Variants in TNR observed in about 807,000 individuals in gnomAD.
TNR encodes the protein tenascin-R.
A neutral mutation model predicts 150.4 loss-of-function variants in TNR; 45 were observed. That is an observed-to-expected ratio of 0.30 (90% confidence interval 0.24 to 0.38). The LOEUF is 0.38. TNR is among the 10% of genes least tolerant of loss of function. TNR has a pLI of 1.00. For missense variants in TNR, 1,544 were observed against 1,759.1 expected (o/e 0.88, Z 2.19); for synonymous variants, 687 against 678.4 (o/e 1.01, Z -0.20).
At chr1:175,594,594 C>T (rs1158934795) in intron 1 of TNR, among the ~76,000 whole-genome samples, 6 of 152,110 alleles carry the variant, frequency 3.9e-5, no homozygotes, top group Admixed American at 3.9e-4. Flanking sequence ...GTGGTTCATG[C>T]CTGTAATCGC....
At chr1:175,333,988 G>C (rs531804616) in intron 20 of TNR, among the ~76,000 whole-genome samples, 1 of 152,340 alleles carries the variant, frequency 6.6e-6, no homozygotes, top group East Asian at 1.9e-4. Context: ...GGAAGAGCAG[G>C]TGAGGTACTT....
chr1:175,397,200 C>T (rs116619676), intron 4 of TNR, among the ~76,000 whole-genome samples: 281 of 152,272 alleles, frequency 1.8e-3, no homozygotes, highest in Non-Finnish European at 2.9e-3. Flanking sequence ...TATTTGACTA[C>T]ATTTTACTAT....
intron 2 of TNR, among the ~76,000 whole-genome samples, chr1:175,439,849 G>A (rs1343276604): frequency 6.6e-6 from 1 of 152,148 alleles, no homozygotes; most frequent in African/African-American, 2.4e-5. Context: ...CAGTTAGAAT[G>A]GTGATCATTA....
chr1:175,445,163 G>A (rs1190685538), intron 2 of TNR, among the ~76,000 whole-genome samples: 1 of 152,106 alleles, frequency 6.6e-6, no homozygotes, highest in Non-Finnish European at 1.5e-5. Flanking sequence ...CCAGCTACTC[G>A]GGAGGCAGAG....
chr1:175,424,834 C>G (rs915024209), intron 2 of TNR, among the ~76,000 whole-genome samples: 1 of 152,066 alleles, frequency 6.6e-6, no homozygotes, highest in Admixed American at 6.6e-5. Context: ...GAGTGGAGCA[C>G]AGTAACCACT....
At chr1:175,687,194 C>A (rs1666225457) in intron 1 of TNR, among the ~76,000 whole-genome samples, 1 of 152,132 alleles carries the variant, frequency 6.6e-6, no homozygotes, top group Non-Finnish European at 1.5e-5. Flanking sequence ...CCACTGGTGC[C>A]TGTCCTGCCT....
chr1:175,429,435 T>G (rs779057452), intron 2 of TNR, among the ~76,000 whole-genome samples: 5 of 152,192 alleles, frequency 3.3e-5, no homozygotes, highest in Non-Finnish European at 7.4e-5. Context: ...GTTGCTCTCT[T>G]GTTTCAGTTT....
At chr1:175,562,905 C>T (rs941987006) in intron 1 of TNR, among the ~76,000 whole-genome samples, 16 of 152,226 alleles carry the variant, frequency 1.1e-4, no homozygotes, top group Non-Finnish European at 1.5e-4. Context: ...AAAACAAAAA[C>T]AGCCACTCAG....
intron 4 of TNR, among the ~76,000 whole-genome samples, chr1:175,398,423 A>G (rs1328521972): frequency 6.6e-6 from 1 of 152,258 alleles, no homozygotes; most frequent in African/African-American, 2.4e-5. Context: ...GATGTTTTAT[A>G]AACTGTATCA....
chr1:175,529,008 A>C (rs773040029), intron 1 of TNR, among the ~76,000 whole-genome samples: 7 of 152,234 alleles, frequency 4.6e-5, no homozygotes, highest in Non-Finnish European at 8.8e-5. Flanking sequence ...AACAACCTCC[A>C]ACAGAAGCAG....
At chr1:175,379,473 A>G in intron 9 of TNR, 79 bp downstream of exon 9, 1 of 1,354,088 alleles carries the variant, frequency 7.4e-7, no homozygotes, top group East Asian at 2.3e-5. Context: ...TGGGTTTGTA[A>G]GATGTGTAGG....
At chr1:175,653,532 G>A (rs1005693763) in intron 1 of TNR, among the ~76,000 whole-genome samples, 2 of 152,192 alleles carry the variant, frequency 1.3e-5, no homozygotes, top group African/African-American at 4.8e-5. Flanking sequence ...GGAAGTCAGG[G>A]AAAATGAAGG....
intron 1 of TNR, among the ~76,000 whole-genome samples, chr1:175,705,083 T>C (rs929121091): frequency 2.0e-5 from 3 of 152,180 alleles, no homozygotes; most frequent in African/African-American, 7.2e-5. Flanking sequence ...GAGCGCCTGG[T>C]GTGAGCTCTC....
chr1:175,390,937 A>G (rs569765786), intron 7 of TNR, among the ~76,000 whole-genome samples: 2 of 152,264 alleles, frequency 1.3e-5, no homozygotes, highest in Non-Finnish European at 1.5e-5. Context: ...TCCAAATATC[A>G]TCATAGGTAA....
At chr1:175,395,240 G>A (rs747164498) in intron 5 of TNR, among the ~76,000 whole-genome samples, 17 of 152,030 alleles carry the variant, frequency 1.1e-4, no homozygotes, top group Non-Finnish European at 2.1e-4. Flanking sequence ...TCCTTCAAAG[G>A]TCAATTCAGT....
intron 2 of TNR, among the ~76,000 whole-genome samples, chr1:175,411,113 G>A (rs140056824): frequency 1.3e-5 from 2 of 152,272 alleles, no homozygotes; most frequent in East Asian, 3.9e-4. Flanking sequence ...CCAGGGAAGT[G>A]GTTTCCACCA....
chr1:175,357,918 T>A (rs1034933400), intron 15 of TNR, among the ~76,000 whole-genome samples: 1 of 152,210 alleles, frequency 6.6e-6, no homozygotes, highest in South Asian at 2.1e-4. Flanking sequence ...GTGGAATGAA[T>A]GGAAGTTCAT....
chr1:175,553,870 G>GA (rs1429011048), intron 1 of TNR, among the ~76,000 whole-genome samples: 1 of 143,358 alleles, frequency 7.0e-6, no homozygotes, highest in African/African-American at 2.6e-5. Context: ...CCCAATTCTG[G>GA]AAAAACAGGA....
chr1:175,363,868 C>A (rs751502637), intron 12 of TNR, 41 bp from the exon 13 acceptor site: 1 of 1,579,892 alleles, frequency 6.3e-7, no homozygotes, highest in Admixed American at 1.8e-5. Flanking sequence ...ACAGAAAGCA[C>A]AGTGTGAAAA....
Sources: gnomAD v4.1 joint callset for allele counts (sites outside exome capture counted in the v4.1 genomes callset) on GRCh38, gnomAD v4.1.1 for gene constraint, MANE v1.5 for transcripts, NCBI Gene and HGNC (gene_info 2026-07-23, HGNC 2026-07-21) for gene names.